FBXO33: variants seen among roughly 807,000 people sequenced by gnomAD.
The protein encoded by FBXO33 is F-box protein 33, also known as F-box only protein 33.
A neutral mutation model predicts 46.3 loss-of-function variants in FBXO33; 22 were observed. The observed-to-expected ratio is 0.48, with a 90% CI of 0.34 to 0.68. FBXO33 has a LOEUF of 0.68. Among genes scored for constraint, FBXO33 ranks in the 30% least tolerant of loss-of-function variants. The pLI, the probability that FBXO33 is intolerant of heterozygous loss-of-function variation, is 0.01. For missense variants in FBXO33, 692 were observed against 708.8 expected, an observed-to-expected ratio of 0.98 and a Z score of 0.27; for synonymous variants, 337 against 291.3, an observed-to-expected ratio of 1.16 and a Z score of -1.60.
chr14:39,418,790 C>CAAAAAAAAAAAAAAAAAAAAAA (rs71130850), intron 1 of FBXO33, among the ~76,000 whole-genome samples: 4 of 136,968 alleles, frequency 2.9e-5, no homozygotes, highest in African/African-American at 5.4e-5. Flanking sequence ...AAAAAAAAAA[C>CAAAAAAAAAAAAAAAAAAAAAA]AAAAAAAAAA....
chr14:39,402,393 T>A lies in FBXO33; in HGVS notation c.710+8A>T, dbSNP rs199996351. 6.8e-7 allele frequency: 1 copy of A among 1,478,470 alleles called. No homozygotes were observed. Among genetic ancestry groups the A allele is most frequent in the African/African-American group, 1.4e-5 (1 of 70,796 alleles). The allele number at this position is 1,478,470 out of a possible 1,614,324, so 91.6% of individuals were successfully genotyped here. The stretch of plus-strand genomic sequence containing the variant: ...TACAACCTCCTTTCCATTAACCATA[T>A]AACTTACTGTTTAATTTTTTTGCCA... On this transcript the variant is annotated splice_region_variant and intron_variant, in intron 2 of 3. Coordinates refer to ENST00000298097, the MANE Select transcript of FBXO33 (RefSeq NM_203301.4).
chr14:39,418,715 C>T (rs2075462879), intron 1 of FBXO33, among the ~76,000 whole-genome samples: 3 of 145,658 alleles, frequency 2.1e-5, no homozygotes, highest in South Asian at 2.1e-4. Context: ...GCAGAGGTTG[C>T]AGTGAGCCGA....
At position 39,427,730 on chromosome 14, in the gene FBXO33, G is replaced by C. The variant is rs564607410; in HGVS notation, c.599+3834C>G. ...GAAATGGGAGAATCATATGAGGCCA[G>C]GTATTAGAGACCAGCCTGGGCAACA... On this transcript the variant is annotated intron_variant, in intron 1 of 3. Coordinates refer to ENST00000298097, the MANE Select transcript of FBXO33 (RefSeq NM_203301.4). 2.6e-5 allele frequency among the ~76,000 whole-genome samples: 4 copies of C among 152,146 alleles called. No individual in the cohort carries two copies. In the East Asian group the frequency reaches 5.8e-4, roughly 22 times the overall value.
At chr14:39,430,577 A>G (rs2075538564) in intron 1 of FBXO33, among the ~76,000 whole-genome samples, 1 of 152,110 alleles carries the variant, frequency 6.6e-6, no homozygotes, top group Non-Finnish European at 1.5e-5. Flanking sequence ...ATTTATCATT[A>G]CCCTGCCTCA....
At chr14:39,403,489 T>C (rs7142748) in intron 1 of FBXO33, among the ~76,000 whole-genome samples, 66,459 of 151,844 alleles carry the variant, frequency 0.44, 15,426 homozygotes, top group African/African-American at 0.6. Flanking sequence ...CCAGCTGAAC[T>C]GGGAGGCGGA....
At chr14:39,423,111 G>C (rs1245311504) in intron 1 of FBXO33, among the ~76,000 whole-genome samples, 1 of 151,904 alleles carries the variant, frequency 6.6e-6, no homozygotes, top group Non-Finnish European at 1.5e-5. Flanking sequence ...GACAGAGTGA[G>C]ACTCCATCTC....
chr14:39,420,212 T>G (rs544290666), intron 1 of FBXO33, among the ~76,000 whole-genome samples: 38 of 152,200 alleles, frequency 2.5e-4, no homozygotes, highest in African/African-American at 8.9e-4. Context: ...ATTCTTGGAG[T>G]AGAAATAAAG....
rs750279892 is a variant in FBXO33, at chr14:39,401,555, A to G, written c.1017T>C (p.Leu339=). 119 of 1,614,086 alleles carry G rather than the reference A, an allele frequency of 7.4e-5. No homozygotes were observed. Among genetic ancestry groups the G allele is most frequent in the Non-Finnish European group, 9.7e-5 (115 of 1,180,040 alleles). ...SNHVPLQRLS[L]LVHNVSVMHK... ...GCATTACAGAAACATTGTGAACCAG[A>G]AGAGACAGTCGTTGCAAAGGCACAT... is the stretch of plus-strand genomic sequence containing the variant. The change falls in exon 3 of 4, where the codon CTT becomes CTC. Residue 339 remains leucine, a synonymous_variant. Transcript: ENST00000298097.
intron 1 of FBXO33, among the ~76,000 whole-genome samples, chr14:39,419,914 A>T (rs371444236): frequency 1.3e-5 from 2 of 152,248 alleles, no homozygotes; most frequent in Non-Finnish European, 2.9e-5. Flanking sequence ...GAAATATCAC[A>T]AAGTCATAAA....
At chr14:39,424,741 T>C (rs1351951852) in intron 1 of FBXO33, among the ~76,000 whole-genome samples, 1 of 151,982 alleles carries the variant, frequency 6.6e-6, no homozygotes, top group East Asian at 1.9e-4. Context: ...AAACAGAAAA[T>C]AGAAAACATA....
At chr14:39,409,202 G>T (rs1004136659) in intron 1 of FBXO33, among the ~76,000 whole-genome samples, 1 of 152,072 alleles carries the variant, frequency 6.6e-6, no homozygotes, top group Non-Finnish European at 1.5e-5. Flanking sequence ...TTTTCTGTGA[G>T]AAGTTTTACA....
intron 1 of FBXO33, among the ~76,000 whole-genome samples, chr14:39,424,782 C>T (rs1254213208): frequency 6.6e-6 from 1 of 152,184 alleles, no homozygotes; most frequent in Non-Finnish European, 1.5e-5. Flanking sequence ...AGGCTGGGTG[C>T]AGTGACTCAG....
At chr14:39,415,158 A>T (rs1254032625) in intron 1 of FBXO33, among the ~76,000 whole-genome samples, 3 of 152,172 alleles carry the variant, frequency 2.0e-5, no homozygotes, top group Admixed American at 6.5e-5. Flanking sequence ...GGGTGGGCTC[A>T]GTGTGGTGGT....
intron 1 of FBXO33, among the ~76,000 whole-genome samples, chr14:39,416,504 G>A (rs1357111025): frequency 6.6e-6 from 1 of 151,986 alleles, no homozygotes; most frequent in Non-Finnish European, 1.5e-5. Context: ...TTGCTTGATT[G>A]AATTCCACAG....
At chr14:39,422,087 G>A (rs912043574) in intron 1 of FBXO33, among the ~76,000 whole-genome samples, 8 of 152,010 alleles carry the variant, frequency 5.3e-5, no homozygotes, top group Non-Finnish European at 4.4e-5. Context: ...GTGAAACCCC[G>A]TCTTTACTAA....
intron 1 of FBXO33, among the ~76,000 whole-genome samples, chr14:39,412,327 G>C (rs551328598): frequency 2.0e-5 from 3 of 152,228 alleles, no homozygotes; most frequent in Admixed American, 6.5e-5. Context: ...TCTTGTGTCA[G>C]TTTTTGACTT....
chr14:39,405,382 G>T (rs903399275), intron 1 of FBXO33, among the ~76,000 whole-genome samples: 1 of 152,124 alleles, frequency 6.6e-6, no homozygotes, highest in Non-Finnish European at 1.5e-5. Context: ...GCTATAGGGG[G>T]TGAGGGGACA....
intron 1 of FBXO33, among the ~76,000 whole-genome samples, chr14:39,418,096 C>T (rs924696346): frequency 2.0e-5 from 3 of 151,668 alleles, no homozygotes; most frequent in African/African-American, 7.3e-5. Context: ...TGGAGTCTTG[C>T]TCTGTCACCC....
chr14:39,423,316 T>C (rs2075494333), intron 1 of FBXO33, among the ~76,000 whole-genome samples: 1 of 152,202 alleles, frequency 6.6e-6, no homozygotes, highest in Non-Finnish European at 1.5e-5. Flanking sequence ...TCATATATAT[T>C]ACCAATGAGA....
Sources: gnomAD v4.1 joint callset for allele counts (sites outside exome capture counted in the v4.1 genomes callset) on GRCh38, gnomAD v4.1.1 for gene constraint, MANE v1.5 for transcripts, NCBI Gene and HGNC (gene_info 2026-07-23, HGNC 2026-07-21) for gene names.